Variants in LAMA2 observed in about 807,000 individuals in gnomAD.
The protein encoded by LAMA2 is laminin subunit alpha-2.
In LAMA2, 269 loss-of-function variants were observed where a neutral mutation model predicts 364.8. The ratio of observed to expected loss-of-function variants is 0.74; its 90% CI spans 0.67 to 0.82. LAMA2 has a LOEUF of 0.82. Ranked by LOEUF, LAMA2 falls within the 40% of genes least tolerant of loss-of-function variation. LAMA2 has a pLI of 0.00. For missense variants in LAMA2, 3,807 were observed against 3,873.2 expected (o/e 0.98, Z 0.45); for synonymous variants, 1,379 against 1,370.6 (o/e 1.01, Z -0.14).
chr6:129,292,084 T>C (rs370213196), intron 20 of LAMA2, among the ~76,000 whole-genome samples: 8 of 152,304 alleles, frequency 5.3e-5, no homozygotes, highest in Admixed American at 2.0e-4. Context: ...CGGTGGCTCA[T>C]GCCTGTAATC....
At chr6:129,321,991 T>C (rs1186455008) in intron 28 of LAMA2, among the ~76,000 whole-genome samples, 1 of 152,214 alleles carries the variant, frequency 6.6e-6, no homozygotes, top group African/African-American at 2.4e-5. Flanking sequence ...ATCCTAAGGA[T>C]TGATTTAAAT....
At chr6:129,515,387 T>A (rs1366926202) in intron 64 of LAMA2, among the ~76,000 whole-genome samples, 2 of 152,208 alleles carry the variant, frequency 1.3e-5, no homozygotes, top group African/African-American at 4.8e-5. Context: ...CCAAAGTGGC[T>A]TCTGTGTTTT....
intron 1 of LAMA2, among the ~76,000 whole-genome samples, chr6:128,925,617 A>G (rs1227903202): frequency 6.6e-6 from 1 of 152,208 alleles, no homozygotes; most frequent in Non-Finnish European, 1.5e-5. Context: ...AGGTACTAAT[A>G]CTACTGAACT....
At chr6:129,430,064 G>T (rs1414321027) in intron 41 of LAMA2, among the ~76,000 whole-genome samples, 2 of 152,216 alleles carry the variant, frequency 1.3e-5, no homozygotes, top group East Asian at 1.9e-4. Flanking sequence ...CCAAGCCAAG[G>T]CTATGACGGA....
At chr6:129,191,346 A>G (rs1259997540) in intron 11 of LAMA2, among the ~76,000 whole-genome samples, 1 of 152,256 alleles carries the variant, frequency 6.6e-6, no homozygotes, top group Admixed American at 6.5e-5. Context: ...GTCAAGCCTC[A>G]TATTATGAAA....
intron 12 of LAMA2, among the ~76,000 whole-genome samples, chr6:129,222,921 G>A (rs1231556353): frequency 1.3e-5 from 2 of 152,180 alleles, no homozygotes; most frequent in African/African-American, 4.8e-5. Flanking sequence ...TCGCCCCACT[G>A]TCTTCCACAA....
chr6:129,304,774 TTCAAG>T (rs1773763927), intron 22 of LAMA2, among the ~76,000 whole-genome samples: 1 of 152,248 alleles, frequency 6.6e-6, no homozygotes, highest in Non-Finnish European at 1.5e-5. Context: ...TTGGGGAATT[TTCAAG>T]GTATCGTTAC....
chr6:129,075,436 G>A (rs1019518765), intron 3 of LAMA2, among the ~76,000 whole-genome samples: 2 of 152,152 alleles, frequency 1.3e-5, no homozygotes, highest in African/African-American at 4.8e-5. Flanking sequence ...ATTTAAGCAG[G>A]TGTAACATGA....
At chr6:129,166,122 T>C (rs569888716) in intron 9 of LAMA2, among the ~76,000 whole-genome samples, 1 of 152,234 alleles carries the variant, frequency 6.6e-6, no homozygotes, top group Non-Finnish European at 1.5e-5. Context: ...TAGGCAATAA[T>C]ATAGAAAGCA....
At chr6:129,030,797 G>A (rs1303911827) in intron 1 of LAMA2, among the ~76,000 whole-genome samples, 1 of 151,932 alleles carries the variant, frequency 6.6e-6, no homozygotes, top group Non-Finnish European at 1.5e-5. Flanking sequence ...AAAATTTGAG[G>A]TCATTTATTA....
chr6:128,921,711 TTTATTA>T (rs938813042), intron 1 of LAMA2, among the ~76,000 whole-genome samples: 37 of 138,706 alleles, frequency 2.7e-4, no homozygotes, highest in Non-Finnish European at 4.1e-4. Flanking sequence ...TTTTTTTTTT[TTTATTA>T]TTATTATACT....
At chr6:129,252,340 G>T (rs1256780787) in intron 14 of LAMA2, 45 bp downstream of exon 14, 1 of 1,499,882 alleles carries the variant, frequency 6.7e-7, no homozygotes, top group South Asian at 1.1e-5. Context: ...ATTTACTTTG[G>T]GGCCAAGGTG....
At chr6:129,366,595 GT>G (rs1267272134) in intron 33 of LAMA2, among the ~76,000 whole-genome samples, 5 of 152,146 alleles carry the variant, frequency 3.3e-5, no homozygotes, top group African/African-American at 1.2e-4. Flanking sequence ...GCCTAAATCA[GT>G]TTTATTATGT....
At chr6:129,507,667 G>C in intron 62 of LAMA2, 25 bp downstream of exon 62, 1 of 1,611,534 alleles carries the variant, frequency 6.2e-7, no homozygotes, top group Non-Finnish European at 8.5e-7. Context: ...TTTCCTTCCT[G>C]TTGATTATTA....
chr6:129,481,559 T>C (rs987018043), intron 55 of LAMA2, 120 bp downstream of exon 55: 21 of 849,770 alleles, frequency 2.5e-5, no homozygotes, highest in Non-Finnish European at 4.2e-5. Flanking sequence ...TAGCAAGGAC[T>C]GAACATTCCA....
In LAMA2 at chr6:129,492,412, G is replaced by C; in HGVS notation, c.8173G>C (p.Ala2725Pro). 1.4e-5 allele frequency: 23 copies of C among 1,614,140 alleles called. No homozygotes were observed. Among genetic ancestry groups the C allele is most frequent in the Non-Finnish European group, 1.9e-5 (23 of 1,179,994 alleles). ...LREDEDGAAP[A>P]EIVIQPEPVP... ...TGAAGATGAAGATGGAGCAGCTCCA[G>C]CTGAAATAGTTATCCAGCCTGAGCC... Residue 2725 changes from alanine to proline, a missense_variant, in exon 58 of 65, where the codon GCT (alanine) becomes CCT (proline). By Grantham distance (27) the Ala-to-Pro change is conservative. Transcript: ENST00000421865.
intron 58 of LAMA2, 76 bp downstream of exon 58, chr6:129,492,559 C>A: frequency 7.7e-7 from 1 of 1,299,062 alleles, no homozygotes; most frequent in Non-Finnish European, 1.1e-6. Context: ...GAAGATTATT[C>A]AGGATATCTA....
At chr6:129,023,594 C>A (rs111882629) in intron 1 of LAMA2, among the ~76,000 whole-genome samples, 3,752 of 152,254 alleles carry the variant, frequency 0.025, 142 homozygotes, top group African/African-American at 0.086. Flanking sequence ...TCTCTTACCT[C>A]CATATTTAAT....
intron 12 of LAMA2, among the ~76,000 whole-genome samples, chr6:129,205,478 G>GTATATATA (rs749614184): frequency 1.1e-3 from 132 of 116,354 alleles, no homozygotes; most frequent in African/African-American, 4.5e-3. Context: ...TATTCTGTAA[G>GTATATATA]TATATATATA....
Sources: allele counts gnomAD v4.1 joint callset (sites outside exome capture counted in the v4.1 genomes callset), GRCh38; gene constraint gnomAD v4.1.1; transcripts MANE v1.5; gene names NCBI Gene and HGNC (gene_info 2026-07-23, HGNC 2026-07-21).